Variants in HTT observed in about 807,000 individuals in gnomAD.
The protein encoded by HTT is huntingtin, also known as huntington disease protein.
A neutral mutation model predicts 362.3 loss-of-function variants in HTT; 104 were observed. That is an observed-to-expected ratio of 0.29 (90% CI 0.24 to 0.34). HTT has a LOEUF of 0.34. Among genes scored for constraint, HTT ranks in the 10% least tolerant of loss-of-function variants. HTT has a pLI of 1.00. For synonymous variants in HTT, 1,577 were observed against 1,548.7 expected (o/e 1.02, Z -0.43); for missense variants, 3,301 against 3,928.6 (o/e 0.84, Z 4.27).
intron 24 of HTT, among the ~76,000 whole-genome samples, chr4:3,146,002 G>A (rs769908123): frequency 3.9e-5 from 6 of 152,080 alleles, no homozygotes; most frequent in East Asian, 1.9e-4. Flanking sequence ...TTAAAAATCC[G>A]TTCAAGTAAA....
intron 10 of HTT, chr4:3,123,518 A>C (rs943037467): frequency 6.6e-6 from 1 of 152,234 alleles, no homozygotes. Flanking sequence ...GGTCTCTACC[A>C]AAACAAAACA....
chr4:3,074,966 G>GCCGCCGCCGCCT lies in HTT; in HGVS notation c.143_144insGCCGCCGCCTCC (p.Pro46_Pro49dup), dbSNP rs1553909074. 17 of 1,450,592 alleles carry GCCGCCGCCGCCT rather than the reference G, an allele frequency of 1.2e-5. 1 individual carries two copies. The African/African-American group carries it at 2.3e-4, about 19-fold the overall frequency. The allele number at this position is 1,450,592 out of a possible 1,614,324, so 89.9% of individuals were successfully genotyped here. The stretch of plus-strand genomic sequence containing the variant: ...CGCCACCGCCGCCGCCGCCGCCGCC[G>GCCGCCGCCGCCT]CCTCCTCAGCTTCCTCAGCCGCCGC... On this transcript the variant is annotated inframe_insertion, in exon 1 of 67. Coordinates refer to ENST00000355072, the MANE Select transcript of HTT (RefSeq NM_001388492.1).
At chr4:3,169,897 T>G (rs1259857477) in intron 29 of HTT, among the ~76,000 whole-genome samples, 1 of 152,228 alleles carries the variant, frequency 6.6e-6, no homozygotes, top group African/African-American at 2.4e-5. Flanking sequence ...TATCACTAAT[T>G]TTGTTTTTAT....
In HTT at chr4:3,134,519, C is replaced by T. The variant is rs1715970884; in HGVS notation, c.2612C>T (p.Thr871Ile). ...YWLVRTELLE[T>I]LAEIDFRLVS... ...CTGGTGAGGACAGAGCTTCTGGAAA[C>T]CCTTGCAGAGATTGACTTCAGGTAA... The change falls in exon 19 of 67, where the codon ACC (threonine) becomes ATC (isoleucine). Residue 871 changes from threonine (T) to isoleucine (I), a missense_variant. Around this residue, in one of 4 missense-constraint regions of HTT, gnomAD observed 2,316 missense variants for 2,658.5 expected, o/e 0.87. Transcript: ENST00000355072. 1.9e-6 allele frequency: 3 copies of T among 1,613,270 alleles called. No homozygotes were observed. The highest frequency in any genetic ancestry group is 1.7e-4 in the Middle Eastern group (1 of 6,052).
intron 38 of HTT, 126 bp from the exon 39 acceptor site, chr4:3,187,523 CAG>C: frequency 1.5e-6 from 1 of 680,454 alleles, no homozygotes. Context: ...CTTTGGGACT[CAG>C]TGATAGAGAG....
Position 3,107,295 on chromosome 4 carries a change from G to A in HTT, c.619G>A (p.Val207Met), listed in dbSNP as rs767064691. ...VRPQKCRPYLVNLLPCLTRTS... is the reference protein window; with the variant it reads ...VRPQKCRPYLMNLLPCLTRTS... The stretch of plus-strand genomic sequence containing the variant: ...CTTTTGCATACACAGGCCTTACCTG[G>A]TGAACCTTCTGCCGTGCCTGACTCG... The change falls in exon 6 of 67, where the codon GTG becomes ATG. Residue 207 changes from valine to methionine, a missense_variant. Physicochemically the swap from Val to Met is conservative, Grantham distance 21. Around this residue, in one of 4 missense-constraint regions of HTT, gnomAD observed 2,316 missense variants for 2,658.5 expected, o/e 0.87. Coordinates refer to ENST00000355072, the MANE Select transcript of HTT (RefSeq NM_001388492.1). 5.0e-6 allele frequency: 8 copies of A among 1,614,188 alleles called. 1 individual carries two copies. The South Asian group carries it at 8.8e-5, about 18-fold the overall frequency.
chr4:3,146,195 T>C (rs1716590426), intron 24 of HTT, among the ~76,000 whole-genome samples: 2 of 152,196 alleles, frequency 1.3e-5, no homozygotes, highest in Non-Finnish European at 2.9e-5. Context: ...CCTCAGGTGG[T>C]TGGAGTTCAA....
chr4:3,207,099 A>G, intron 44 of HTT, 116 bp downstream of exon 44: 2 of 1,155,714 alleles, frequency 1.7e-6, no homozygotes, highest in Non-Finnish European at 2.5e-6. Context: ...ACCGATAGAA[A>G]CATGGAAACA....
chr4:3,075,651 G>GT (rs1273221909), intron 1 of HTT, among the ~76,000 whole-genome samples: 2 of 143,426 alleles, frequency 1.4e-5, no homozygotes, highest in African/African-American at 2.5e-5. Context: ...GCGGGGCAGG[G>GT]GGGGGGCGGG....
intron 27 of HTT, among the ~76,000 whole-genome samples, chr4:3,155,731 A>G (rs1329081439): frequency 7.1e-5 from 10 of 141,098 alleles, no homozygotes; most frequent in African/African-American, 2.4e-4. Flanking sequence ...AATACCACAA[A>G]AAAAAAAAAA....
chr4:3,214,213 G>A, intron 50 of HTT, 78 bp downstream of exon 50: 1 of 1,157,856 alleles, frequency 8.6e-7, no homozygotes, highest in Non-Finnish European at 1.1e-6. Flanking sequence ...TGTGCTGCCT[G>A]TTTGCCAGGT....
intron 66 of HTT, 70 bp downstream of exon 66, chr4:3,239,048 A>C (rs2110307673): frequency 2.4e-5 from 35 of 1,475,128 alleles, no homozygotes; most frequent in Non-Finnish European, 3.2e-5. Context: ...TTTCATGATA[A>C]GGTTTTGAAA....
intron 40 of HTT, among the ~76,000 whole-genome samples, chr4:3,189,971 A>C (rs1187372578): frequency 6.6e-6 from 1 of 152,110 alleles, no homozygotes; most frequent in Non-Finnish European, 1.5e-5. Flanking sequence ...AGATGTGTTC[A>C]TGCCACTGCA....
chr4:3,075,058 C>T lies in HTT; in HGVS notation c.233C>T (p.Pro78Leu). Residue 78 changes from proline to leucine, a missense_variant, in exon 1 of 67, where the codon CCG (proline) becomes CTG (leucine). By Grantham distance (98) the Pro-to-Leu change is moderately conservative (BLOSUM62 -3). This residue lies in a region of HTT where 2,316 missense variants were observed against 2,658.5 expected (regional missense o/e 0.87). Transcript: ENST00000355072. Reference sequence around the variant, plus strand: ...CCGCCGCCCCCGCCGCCACCCGGCCCGGCTGTGGCTGAGGAGCCGCTGCAC... The same window carrying T: ...CCGCCGCCCCCGCCGCCACCCGGCCTGGCTGTGGCTGAGGAGCCGCTGCAC... ...PPPPPPPPPG[P>L]AVAEEPLHRP... The T allele has an allele frequency of 1.6e-6, 2 of 1,248,094 alleles. No homozygotes were observed. Among genetic ancestry groups the T allele is most frequent in the Non-Finnish European group, 2.0e-6 (2 of 1,002,676 alleles). 77.3% of individuals were successfully genotyped at this position (1,248,094 alleles called of 1,614,324 possible). A position where few individuals can be genotyped will look rare whatever the true frequency, so the allele number is the denominator to read the frequency against.
At chr4:3,209,212 C>T (rs761948795) in intron 46 of HTT, among the ~76,000 whole-genome samples, 4 of 152,162 alleles carry the variant, frequency 2.6e-5, no homozygotes, top group African/African-American at 4.8e-5. Flanking sequence ...ATGTCAATGC[C>T]GTTAGCCTCC....
At chr4:3,197,498 G>T (rs1560589253) in intron 40 of HTT, among the ~76,000 whole-genome samples, 1 of 152,050 alleles carries the variant, frequency 6.6e-6, no homozygotes, top group Non-Finnish European at 1.5e-5. Context: ...ACTAGGAGGT[G>T]GCCCTCAGAG....
chr4:3,122,885 G>T lies in HTT; in HGVS notation c.1274-4G>T, dbSNP rs752824013. The stretch of plus-strand genomic sequence containing the variant: ...CTTTATCTGTCACTTTCTGTGATTT[G>T]CAGCTGGAGGGGGTTCCTCATGCAG... On this transcript the variant is annotated splice_region_variant and splice_polypyrimidine_tract_variant and intron_variant, in intron 9 of 66. Coordinates refer to ENST00000355072, the MANE Select transcript of HTT (RefSeq NM_001388492.1). 37 of 1,603,090 alleles carry T rather than the reference G, an allele frequency of 2.3e-5. No homozygotes were observed. Among genetic ancestry groups the T allele is most frequent in the Middle Eastern group, 3.3e-4 (2 of 6,022 alleles).
chr4:3,176,395 C>T (rs769171223), intron 33 of HTT, among the ~76,000 whole-genome samples: 20 of 152,184 alleles, frequency 1.3e-4, no homozygotes, highest in Non-Finnish European at 2.5e-4. Flanking sequence ...TTTCATCTTT[C>T]TTTCACAAAA....
Position 3,187,857 on chromosome 4 carries a change from A to G in HTT, c.5196A>G (p.Ile1732Met), listed in dbSNP as rs780702151. 2.8e-5 allele frequency: 45 copies of G among 1,611,990 alleles called. No homozygotes were observed. Among genetic ancestry groups the G allele is most frequent in the Middle Eastern group, 1.6e-4 (1 of 6,078 alleles). Reference protein sequence around the residue: ...TLEEHSEGKQIKNLPEETFSR... With the variant: ...TLEEHSEGKQMKNLPEETFSR... The stretch of plus-strand genomic sequence containing the variant: ...AAGAACACAGTGAAGGGAAACAAAT[A>G]AAGAATTTGCCAGAAGAAACATTTT... The change falls in exon 39 of 67, where the codon ATA becomes ATG. Residue 1732 changes from isoleucine to methionine, a missense_variant. Coordinates refer to ENST00000355072, the MANE Select transcript of HTT (RefSeq NM_001388492.1).
Sources: gnomAD v4.1 joint callset for allele counts (sites outside exome capture counted in the v4.1 genomes callset) on GRCh38, gnomAD v4.1.1 for gene constraint, gnomAD v4.1.1 regional missense constraint, MANE v1.5 for transcripts, NCBI Gene and HGNC (gene_info 2026-07-23, HGNC 2026-07-21) for gene names.